ZFYVE16: variants seen among roughly 807,000 people sequenced by gnomAD.
The protein encoded by ZFYVE16 is zinc finger FYVE-type containing 16.
ZFYVE16 carries 89 observed loss-of-function variants against 138.1 expected under a neutral mutation model. That is an observed-to-expected ratio of 0.64 (90% CI 0.54 to 0.77). The LOEUF is 0.77. Ranked by LOEUF, ZFYVE16 falls within the 30% of genes least tolerant of loss-of-function variation. The probability of loss-of-function intolerance (pLI) is 0.00; values close to 1 mark genes in which losing one functional copy is unlikely to be tolerated. For missense variants in ZFYVE16, 1,793 were observed against 1,786.7 expected (o/e 1.00, Z -0.06); for synonymous variants, 596 against 618.3 (o/e 0.96, Z 0.53).
intron 1 of ZFYVE16, among the ~76,000 whole-genome samples, chr5:80,413,810 A>G (rs1053015976): frequency 1.3e-5 from 2 of 152,206 alleles, no homozygotes; most frequent in African/African-American, 4.8e-5. Context: ...TTTTAAAATG[A>G]CATATTTAGA....
chr5:80,441,935 G>T, intron 5 of ZFYVE16: 3 of 985,130 alleles, frequency 3.0e-6, no homozygotes, highest in Non-Finnish European at 3.6e-6. Context: ...GCACTATTCT[G>T]CATTCTGAAG....
Position 80,421,048 on chromosome 5 carries a change from GATGAT to G in ZFYVE16, c.-93-6443_-93-6439del, listed in dbSNP as rs564943923. 4.9e-3 allele frequency among the ~76,000 whole-genome samples: 750 copies of G among 152,318 alleles called. 12 individuals carry two copies. Among genetic ancestry groups the G allele is most frequent in the Non-Finnish European group, 3.5e-3 (235 of 68,028 alleles). ...GATCTGCATTTCTCTGATGGCCAGT[GATGAT>G]GAGCATTTTTTCATGTGTTTTTTGG... On this transcript the variant is annotated intron_variant, in intron 1 of 18. Coordinates refer to ENST00000505560, the MANE Select transcript of ZFYVE16 (RefSeq NM_001284236.3).
intron 1 of ZFYVE16, among the ~76,000 whole-genome samples, chr5:80,423,039 A>T (rs542902766): frequency 6.6e-6 from 1 of 152,250 alleles, no homozygotes; most frequent in South Asian, 2.1e-4. Context: ...CTGGTCTTAT[A>T]GTATAAGTTA....
chr5:80,449,796 G>T, intron 9 of ZFYVE16, 83 bp downstream of exon 9: 1 of 1,396,338 alleles, frequency 7.2e-7, no homozygotes, highest in Non-Finnish European at 9.6e-7. Flanking sequence ...ATTTTGACTG[G>T]CCATGGTGAA....
chr5:80,469,957 C>T (rs1754142344), intron 15 of ZFYVE16, among the ~76,000 whole-genome samples: 1 of 151,144 alleles, frequency 6.6e-6, no homozygotes, highest in Non-Finnish European at 1.5e-5. Flanking sequence ...GTTTATTTAG[C>T]CCATATTTGC....
At chr5:80,477,173 A>T in intron 18 of ZFYVE16, 46 bp from the exon 19 acceptor site, 1 of 1,492,282 alleles carries the variant, frequency 6.7e-7, no homozygotes, top group Non-Finnish European at 9.0e-7. Context: ...ATTCCGAGTT[A>T]AACAAGATTG....
At chr5:80,409,650 T>G (rs992214575) in intron 1 of ZFYVE16, 1 of 152,222 alleles carries the variant, frequency 6.6e-6, no homozygotes, top group Non-Finnish European at 1.5e-5. Flanking sequence ...AGCTGGATTT[T>G]CATGTTTGCT....
At chr5:80,468,887 TTTTA>T (rs2112532530) in intron 15 of ZFYVE16, among the ~76,000 whole-genome samples, 1 of 152,200 alleles carries the variant, frequency 6.6e-6, no homozygotes, top group Admixed American at 6.5e-5. Context: ...TTCTTATGCT[TTTTA>T]TTTATTTATT....
chr5:80,436,017 C>T (rs2112353101), intron 3 of ZFYVE16, among the ~76,000 whole-genome samples: 1 of 152,302 alleles, frequency 6.6e-6, no homozygotes, highest in South Asian at 2.1e-4. Context: ...GGTGCTTCTC[C>T]TTTGCCTTCT....
rs751836726 is a variant in ZFYVE16, at chr5:80,439,971, A to C, written c.2358A>C (p.Lys786Asn). Residue 786 changes from lysine (K) to asparagine (N), a missense_variant, in exon 5 of 19, where the codon AAA (lysine) becomes AAC (asparagine). Physicochemically the swap from Lys to Asn is moderately conservative, Grantham distance 94 (BLOSUM62 0). Around this residue, in one of 2 missense-constraint regions of ZFYVE16, gnomAD observed 1,295 missense variants for 1,204.3 expected, o/e 1.08. Transcript: ENST00000505560. ...FCGVCCNRKC[K>N]LQYLEKEARV... ...GTGTCTGTTGTAATAGGAAGTGTAA[A>C]CTGCAATATCTAGAAAAGGAAGCAA... 6.2e-7 allele frequency: 1 copy of C among 1,611,092 alleles called. No individual in the cohort carries two copies. Among genetic ancestry groups the C allele is most frequent in the Non-Finnish European group, 8.5e-7 (1 of 1,178,480 alleles).
chr5:80,434,048 T>C (rs868466047), intron 2 of ZFYVE16, 61 bp from the exon 3 acceptor site: 9 of 1,116,462 alleles, frequency 8.1e-6, no homozygotes, highest in Non-Finnish European at 1.2e-5. Flanking sequence ...TGGCATGGAA[T>C]ACATGGCATA....
intron 2 of ZFYVE16, among the ~76,000 whole-genome samples, chr5:80,431,390 C>T (rs962099964): frequency 3.3e-5 from 5 of 152,124 alleles, no homozygotes; most frequent in African/African-American, 9.7e-5. Context: ...ATTCAATGGC[C>T]CTTCATGCCA....
At chr5:80,450,195 C>T (rs1751831361) in intron 9 of ZFYVE16, among the ~76,000 whole-genome samples, 1 of 152,128 alleles carries the variant, frequency 6.6e-6, no homozygotes, top group African/African-American at 2.4e-5. Flanking sequence ...TTCTTATCCA[C>T]TACATTTCAG....
chr5:80,413,471 C>CAAAAAAAAAAAAAA (rs70988468), intron 1 of ZFYVE16, among the ~76,000 whole-genome samples: 1 of 124,498 alleles, frequency 8.0e-6, no homozygotes. Context: ...AACTTCATCT[C>CAAAAAAAAAAAAAA]AAAAAAAAAA....
In ZFYVE16 at chr5:80,449,696, A is replaced by G; in HGVS notation, c.3209A>G (p.Asn1070Ser). The G allele has an allele frequency of 6.3e-7, 1 of 1,596,370 alleles. No individual in the cohort carries two copies. Among genetic ancestry groups the G allele is most frequent in the Non-Finnish European group, 8.5e-7 (1 of 1,174,226 alleles). The change falls in exon 9 of 19, where the codon AAT (asparagine) becomes AGT (serine). Residue 1070 changes from asparagine to serine, a missense_variant. Physicochemically the swap from Asn to Ser is conservative, Grantham distance 46. This residue lies in a region of ZFYVE16 where 498 missense variants were observed against 582.4 expected (regional missense o/e 0.86). Transcript: ENST00000505560. ...TFVLNANLLV[N>S]VKFIFYSSDK... ...GTCCTAAATGCTAATCTACTCGTGA[A>G]TGTCAAATTCATATTTTGTAAGTAA...
At chr5:80,463,935 C>G (rs1452901972) in intron 15 of ZFYVE16, among the ~76,000 whole-genome samples, 1 of 152,194 alleles carries the variant, frequency 6.6e-6, no homozygotes, top group African/African-American at 2.4e-5. Context: ...TAGTTCCCAA[C>G]AAGTTCCTCA....
chr5:80,471,806 G>T (rs963244986), intron 15 of ZFYVE16, among the ~76,000 whole-genome samples: 9 of 152,164 alleles, frequency 5.9e-5, no homozygotes, highest in Admixed American at 4.6e-4. Context: ...TTTCATGGTT[G>T]ATCACCTTGA....
At chr5:80,416,220 TTTAC>T (rs1448387314) in intron 1 of ZFYVE16, among the ~76,000 whole-genome samples, 2 of 151,380 alleles carry the variant, frequency 1.3e-5, no homozygotes, top group Non-Finnish European at 1.5e-5. Context: ...TATTCAATCA[TTTAC>T]TTACGTCAGT....
chr5:80,415,170 AT>A (rs1179399986), intron 1 of ZFYVE16, among the ~76,000 whole-genome samples: 1 of 152,090 alleles, frequency 6.6e-6, no homozygotes, highest in Admixed American at 6.5e-5. Flanking sequence ...ACTTTATTTT[AT>A]AACACCTTGA....
Sources: allele counts gnomAD v4.1 joint callset (sites outside exome capture counted in the v4.1 genomes callset), GRCh38; gene constraint gnomAD v4.1.1; regional missense constraint gnomAD v4.1.1; transcripts MANE v1.5; gene names NCBI Gene and HGNC (gene_info 2026-07-23, HGNC 2026-07-21).